The following KCNK13 variants were observed in gnomAD, a reference collection of about 807,000 sequenced individuals.
KCNK13 encodes potassium two pore domain channel subfamily K member 13.
In KCNK13, 12 loss-of-function variants were observed where a neutral mutation model predicts 23.4. The observed-to-expected ratio is 0.51, with a 90% CI of 0.33 to 0.83. The LOEUF is 0.83. KCNK13 is among the 40% of genes least tolerant of loss of function. The probability of loss-of-function intolerance (pLI) is 0.02; values close to 1 mark genes in which losing one functional copy is unlikely to be tolerated. For missense variants in KCNK13, 463 were observed against 556.3 expected (o/e 0.83, Z 1.69); for synonymous variants, 231 against 229.5 (o/e 1.01, Z -0.06).
chr14:90,080,594 C>T (rs1889197061), intron 1 of KCNK13, among the ~76,000 whole-genome samples: 1 of 152,144 alleles, frequency 6.6e-6, no homozygotes. Context: ...TCAGGAATAA[C>T]AGGTTTTCAG....
chr14:90,166,997 A>C (rs1890311509), intron 1 of KCNK13, among the ~76,000 whole-genome samples: 1 of 152,224 alleles, frequency 6.6e-6, no homozygotes, highest in Admixed American at 6.5e-5. Context: ...CTGGGTCTGC[A>C]CTAGCACCCA....
intron 1 of KCNK13, chr14:90,108,039 A>G: frequency 6.3e-6 from 4 of 631,938 alleles, no homozygotes; most frequent in South Asian, 4.9e-5. Flanking sequence ...CAAGAGCTGG[A>G]TGGCATTGCA....
intron 1 of KCNK13, among the ~76,000 whole-genome samples, chr14:90,122,837 T>TA (rs1889754769): frequency 6.6e-6 from 1 of 152,224 alleles, no homozygotes; most frequent in Non-Finnish European, 1.5e-5. Flanking sequence ...ATTCATTCAA[T>TA]ACGCACCTAA....
intron 1 of KCNK13, among the ~76,000 whole-genome samples, chr14:90,181,921 A>C (rs11626479): frequency 0.44 from 66,473 of 151,942 alleles, 15,328 homozygotes; most frequent in East Asian, 0.86. Flanking sequence ...GTAACTACAG[A>C]AGCAATACTC....
chr14:90,182,321 G>A (rs1890496422), intron 1 of KCNK13, among the ~76,000 whole-genome samples: 1 of 152,176 alleles, frequency 6.6e-6, no homozygotes, highest in Non-Finnish European at 1.5e-5. Flanking sequence ...GAGCAGACCA[G>A]CAGGTCATAA....
intron 1 of KCNK13, among the ~76,000 whole-genome samples, chr14:90,138,490 G>A (rs1240469233): frequency 6.6e-6 from 1 of 152,170 alleles, no homozygotes; most frequent in Non-Finnish European, 1.5e-5. Context: ...ACACAGTTAG[G>A]ACTCAGTAAG....
intron 1 of KCNK13, among the ~76,000 whole-genome samples, chr14:90,115,293 C>T (rs1012786244): frequency 6.6e-6 from 1 of 152,180 alleles, no homozygotes; most frequent in Non-Finnish European, 1.5e-5. Flanking sequence ...GTAAACGTTC[C>T]TCACATGATT....
chr14:90,091,244 A>G (rs1566949872), intron 1 of KCNK13, among the ~76,000 whole-genome samples: 2 of 152,184 alleles, frequency 1.3e-5, no homozygotes, highest in Non-Finnish European at 2.9e-5. Context: ...GATGGGGTGC[A>G]TGGAGATTTT....
At chr14:90,153,157 C>T (rs904465283) in intron 1 of KCNK13, among the ~76,000 whole-genome samples, 3 of 152,278 alleles carry the variant, frequency 2.0e-5, no homozygotes, top group Middle Eastern at 3.4e-3. Context: ...CAGGGGAAGC[C>T]TTCTCTGACC....
intron 1 of KCNK13, among the ~76,000 whole-genome samples, chr14:90,169,014 G>T (rs1052009555): frequency 7.2e-5 from 11 of 152,128 alleles, no homozygotes; most frequent in African/African-American, 2.7e-4. Flanking sequence ...CTCCCCAACC[G>T]TGTGGAGCTG....
intron 1 of KCNK13, among the ~76,000 whole-genome samples, chr14:90,154,073 C>T (rs1890166338): frequency 6.6e-6 from 1 of 152,164 alleles, no homozygotes; most frequent in Non-Finnish European, 1.5e-5. Flanking sequence ...TTATCCTTTG[C>T]TTCTGCCTGA....
At position 90,166,033 on chromosome 14, in the gene KCNK13, C is replaced by A. The variant is rs140498205; in HGVS notation, c.335-18078C>A. The stretch of plus-strand genomic sequence containing the variant: ...ATTTAAAGAGTCTCTATTTATCATA[C>A]CCTCGTTTTCAGCTTATACAGTTAG... On this transcript the variant is annotated intron_variant, in intron 1 of 1. Coordinates refer to ENST00000282146, the MANE Select transcript of KCNK13 (RefSeq NM_022054.4). Among the ~76,000 whole-genome samples the A allele has an allele frequency of 2.0e-5, 3 of 152,264 alleles. No individual in the cohort carries two copies. In the East Asian group the frequency reaches 5.8e-4, roughly 29 times the overall value.
At chr14:90,119,292 A>G (rs1481058072) in intron 1 of KCNK13, among the ~76,000 whole-genome samples, 2 of 152,190 alleles carry the variant, frequency 1.3e-5, no homozygotes. Flanking sequence ...AATTCATTCT[A>G]TGAGGCCGGG....
intron 1 of KCNK13, among the ~76,000 whole-genome samples, chr14:90,130,149 A>G (rs916145019): frequency 1.3e-5 from 2 of 152,072 alleles, no homozygotes; most frequent in East Asian, 1.9e-4. Context: ...AATTTATCAC[A>G]TGCTAGAACT....
At chr14:90,089,068 A>C (rs1566949543) in intron 1 of KCNK13, among the ~76,000 whole-genome samples, 1 of 152,204 alleles carries the variant, frequency 6.6e-6, no homozygotes, top group Non-Finnish European at 1.5e-5. Flanking sequence ...AATTGATACC[A>C]GTAGAGTGGG....
intron 1 of KCNK13, among the ~76,000 whole-genome samples, chr14:90,168,512 A>G (rs1890329994): frequency 6.6e-6 from 1 of 152,118 alleles, no homozygotes; most frequent in South Asian, 2.1e-4. Context: ...TCCACAAACC[A>G]ACACTGTCTA....
At chr14:90,097,050 G>A (rs1750022191) in intron 1 of KCNK13, among the ~76,000 whole-genome samples, 1 of 152,138 alleles carries the variant, frequency 6.6e-6, no homozygotes, top group African/African-American at 2.4e-5. Flanking sequence ...CTCAGGGAAG[G>A]GGAGTGGGAG....
chr14:90,173,441 G>A (rs1890387789), intron 1 of KCNK13, among the ~76,000 whole-genome samples: 1 of 152,146 alleles, frequency 6.6e-6, no homozygotes, highest in Non-Finnish European at 1.5e-5. Context: ...CCACTTTGCT[G>A]AACATATTCA....
intron 1 of KCNK13, among the ~76,000 whole-genome samples, chr14:90,156,301 A>C (rs909438032): frequency 6.6e-6 from 1 of 152,114 alleles, no homozygotes; most frequent in African/African-American, 2.4e-5. Context: ...GAGAGTGGAG[A>C]AGAGGCCCCA....
Sources: gnomAD v4.1 joint callset for allele counts (sites outside exome capture counted in the v4.1 genomes callset) on GRCh38, gnomAD v4.1.1 for gene constraint, MANE v1.5 for transcripts, NCBI Gene and HGNC (gene_info 2026-07-23, HGNC 2026-07-21) for gene names.